The following SNAPC3 variants were observed in gnomAD, a reference collection of about 807,000 sequenced individuals.
The protein encoded by SNAPC3 is snRNA-activating protein complex subunit 3.
In SNAPC3, 56 loss-of-function variants were observed where a neutral mutation model predicts 47.7. The observed-to-expected ratio is 1.18, with a 90% CI of 0.95 to 1.47. The LOEUF (loss-of-function observed/expected upper bound fraction) is 1.47, where lower values mean the gene tolerates loss of function less well. Among genes scored for constraint, SNAPC3 ranks in the 40% most tolerant of loss-of-function variants. The probability of loss-of-function intolerance (pLI) is 0.00; values close to 1 mark genes in which losing one functional copy is unlikely to be tolerated. For synonymous variants in SNAPC3, 235 were observed against 189.9 expected, an observed-to-expected ratio of 1.24 and a Z score of -1.95; for missense variants, 665 against 511.3, an observed-to-expected ratio of 1.30 and a Z score of -2.90.
At chr9:15,450,015 A>G (rs1166885609) in intron 5 of SNAPC3, among the ~76,000 whole-genome samples, 1 of 152,176 alleles carries the variant, frequency 6.6e-6, no homozygotes, top group African/African-American at 2.4e-5. Flanking sequence ...CATATATATT[A>G]AACTTCATTT....
At chr9:15,440,739 A>G (rs890124336) in intron 3 of SNAPC3, among the ~76,000 whole-genome samples, 26 of 151,998 alleles carry the variant, frequency 1.7e-4, no homozygotes, top group African/African-American at 6.3e-4. Flanking sequence ...CACGAGGTCA[A>G]GAGATTGAGA....
chr9:15,432,327 C>G (rs571585537), intron 2 of SNAPC3, among the ~76,000 whole-genome samples: 2 of 152,082 alleles, frequency 1.3e-5, no homozygotes, highest in African/African-American at 4.8e-5. Context: ...ACATATATTT[C>G]CTGCCTATCT....
rs2030849950 is a variant in SNAPC3 at position 15,423,333 on chromosome 9, A to AC, written c.314+143dup. 6 of 852,206 alleles carry AC rather than the reference A, an allele frequency of 7.0e-6. No homozygotes were observed. The East Asian group carries it at 2.0e-4, about 28-fold the overall frequency. 52.8% of individuals were successfully genotyped at this position (852,206 alleles called of 1,614,324 possible). ...GGAGTATTACCCTTTAAAGCTTTCA[A>AC]CCCGCTGGAGCCTTCCTGGGACACC... On this transcript the variant is annotated intron_variant, in intron 1 of 8. Transcript: ENST00000380821.
Position 15,436,497 on chromosome 9 carries a change from T to C in SNAPC3, c.477+2861T>C, listed in dbSNP as rs369774231. On this transcript the variant is annotated intron_variant, in intron 3 of 8. Transcript: ENST00000380821. ...CCATATAAGTTTCATTGTTACATTC[T>C]ATCGGTCTAGATTCTAACCTAGAAC... is the stretch of plus-strand genomic sequence containing the variant. 3.9e-5 allele frequency among the ~76,000 whole-genome samples: 6 copies of C among 152,342 alleles called. No homozygotes were observed. In the East Asian group the frequency reaches 9.6e-4, roughly 24 times the overall value.
intron 2 of SNAPC3, among the ~76,000 whole-genome samples, chr9:15,431,492 C>G (rs1332728511): frequency 2.0e-5 from 3 of 151,668 alleles, no homozygotes; most frequent in African/African-American, 7.3e-5. Context: ...TTTTTTCTTC[C>G]TAATTGAACT....
intron 3 of SNAPC3, among the ~76,000 whole-genome samples, chr9:15,440,370 G>A (rs1477952240): frequency 6.6e-6 from 1 of 152,114 alleles, no homozygotes; most frequent in Non-Finnish European, 1.5e-5. Context: ...AGGTCTGCTG[G>A]TAGTAATTAA....
At chr9:15,433,006 A>G (rs74725389) in intron 2 of SNAPC3, among the ~76,000 whole-genome samples, 3 of 152,346 alleles carry the variant, frequency 2.0e-5, no homozygotes, top group Non-Finnish European at 2.9e-5. Context: ...GTAAGATGTC[A>G]TATTAATATC....
At chr9:15,451,802 C>G (rs1444033283) in intron 6 of SNAPC3, among the ~76,000 whole-genome samples, 6 of 151,960 alleles carry the variant, frequency 3.9e-5, no homozygotes, top group African/African-American at 1.5e-4. Flanking sequence ...ATTTTTTCTG[C>G]CTATCCAGCA....
intron 8 of SNAPC3, 27 bp downstream of exon 8, chr9:15,458,094 C>A: frequency 2.7e-6 from 2 of 727,272 alleles, no homozygotes. Context: ...TTTTTTTTTT[C>A]TCTGAGAAAT....
downstream of SNAPC3, chr9:15,464,535 T>G (rs1284466533): frequency 1.0e-5 from 2 of 200,466 alleles, no homozygotes; most frequent in Non-Finnish European, 2.1e-5. Context: ...AGTGTTTGTA[T>G]TTTTGGAATC....
At chr9:15,431,883 TC>T (rs1386214874) in intron 2 of SNAPC3, 3 of 122,892 alleles carry the variant, frequency 2.4e-5, no homozygotes, top group Non-Finnish European at 3.5e-5. Flanking sequence ...TTAAAGCCTG[TC>T]TTTTTTTTTT....
intron 7 of SNAPC3, among the ~76,000 whole-genome samples, chr9:15,457,363 G>A (rs1308977128): frequency 6.6e-6 from 1 of 152,198 alleles, no homozygotes; most frequent in East Asian, 1.9e-4. Flanking sequence ...GGGAGGCTGA[G>A]GTGGGAGGAT....
At chr9:15,459,058 C>G (rs1203799958) in intron 8 of SNAPC3, among the ~76,000 whole-genome samples, 2 of 152,098 alleles carry the variant, frequency 1.3e-5, no homozygotes, top group Non-Finnish European at 2.9e-5. Flanking sequence ...CGCCACCCCA[C>G]CACAATATTC....
At chr9:15,438,255 A>G (rs774663805) in intron 3 of SNAPC3, among the ~76,000 whole-genome samples, 5 of 152,180 alleles carry the variant, frequency 3.3e-5, no homozygotes, top group East Asian at 3.9e-4. Context: ...AGGTTATCCA[A>G]TTTGTTGGCA....
At chr9:15,424,137 G>A (rs1003026031) in intron 2 of SNAPC3, 151 bp downstream of exon 2, 15 of 432,376 alleles carry the variant, frequency 3.5e-5, no homozygotes, top group African/African-American at 2.5e-4. Flanking sequence ...TACTTTAGCC[G>A]TGTGTATGGG....
At chr9:15,451,578 C>T (rs1293215393) in intron 6 of SNAPC3, among the ~76,000 whole-genome samples, 176 bp downstream of exon 6, 1 of 152,136 alleles carries the variant, frequency 6.6e-6, no homozygotes, top group Non-Finnish European at 1.5e-5. Flanking sequence ...GTAGTCCCAG[C>T]CACTCCGGAG....
intron 3 of SNAPC3, among the ~76,000 whole-genome samples, chr9:15,440,858 A>T (rs1313181914): frequency 2.6e-5 from 4 of 151,432 alleles, no homozygotes; most frequent in Non-Finnish European, 5.9e-5. Context: ...CTGAGGCAGG[A>T]GAATGGCATG....
intron 4 of SNAPC3, among the ~76,000 whole-genome samples, chr9:15,446,462 C>G (rs796584541): frequency 3.3e-5 from 5 of 152,334 alleles, no homozygotes; most frequent in African/African-American, 1.2e-4. Flanking sequence ...CTGCTTCGGC[C>G]TCCCAAAGTG....
chr9:15,440,811 C>T (rs980040938), intron 3 of SNAPC3, among the ~76,000 whole-genome samples: 14 of 152,008 alleles, frequency 9.2e-5, no homozygotes, highest in East Asian at 5.8e-4. Context: ...TAGCTGGGCG[C>T]GGTGGCGAGT....
Sources: allele counts gnomAD v4.1 joint callset (sites outside exome capture counted in the v4.1 genomes callset), GRCh38; gene constraint gnomAD v4.1.1; transcripts MANE v1.5; gene names NCBI Gene and HGNC (gene_info 2026-07-23, HGNC 2026-07-21).